Variants in TRAPPC3L observed in about 807,000 individuals in gnomAD.
TRAPPC3L encodes the protein trafficking protein particle complex subunit 3-like protein.
TRAPPC3L carries 23 observed loss-of-function variants against 23.7 expected under a neutral mutation model. The observed-to-expected ratio is 0.97, with a 90% CI of 0.70 to 1.37. The LOEUF (loss-of-function observed/expected upper bound fraction) is 1.37, where lower values mean the gene tolerates loss of function less well. Ranked by LOEUF, TRAPPC3L falls within the 40% of genes most tolerant of loss-of-function variation. TRAPPC3L has a pLI of 0.00. For synonymous variants in TRAPPC3L, 81 were observed against 77.9 expected (o/e 1.04, Z -0.21); for missense variants, 212 against 216.8 (o/e 0.98, Z 0.14).
At chr6:116,515,917 C>T (rs1772215621) in intron 3 of TRAPPC3L, 5 of 1,613,590 alleles carry the variant, frequency 3.1e-6, no homozygotes, top group Non-Finnish European at 4.2e-6. Context: ...GAGTGGTGGA[C>T]AATGGTCTGC....
intron 2 of TRAPPC3L, among the ~76,000 whole-genome samples, chr6:116,541,905 A>G (rs913198224): frequency 6.6e-6 from 1 of 152,206 alleles, no homozygotes; most frequent in African/African-American, 2.4e-5. Flanking sequence ...TCTCAGCAGA[A>G]GCTATTAAGG....
At position 116,495,737 on chromosome 6, in the gene TRAPPC3L, A is replaced by G. The variant is rs1360709157; in HGVS notation, c.*1217T>C. On this transcript the variant is annotated 3_prime_UTR_variant, in exon 5 of 5. Transcript: ENST00000368602. ...CTAGGGTGAGATAATATCTCATTAT[A>G]GTTTTGATTTGCATTTCTCTGATGA... is the stretch of plus-strand genomic sequence containing the variant. The G allele has an allele frequency of 1.3e-5, 2 of 152,080 alleles. No homozygotes were observed. The highest frequency in any genetic ancestry group is 1.3e-4 in the Admixed American group (2 of 15,266). 9.4% of individuals were successfully genotyped at this position (152,080 alleles called of 1,614,324 possible).
intron 4 of TRAPPC3L, among the ~76,000 whole-genome samples, chr6:116,498,862 G>A (rs1771870810): frequency 6.6e-6 from 1 of 152,070 alleles, no homozygotes; most frequent in African/African-American, 2.4e-5. Context: ...TGTGCCCTCT[G>A]TTTAACCTAC....
At chr6:116,511,826 A>G in intron 3 of TRAPPC3L, 1 of 1,614,078 alleles carries the variant, frequency 6.2e-7, no homozygotes, top group Middle Eastern at 1.6e-4. Context: ...GTGCCCCTGC[A>G]GCACTGAGAA....
At chr6:116,503,154 G>T (rs764220810) in intron 3 of TRAPPC3L, among the ~76,000 whole-genome samples, 1 of 151,954 alleles carries the variant, frequency 6.6e-6, no homozygotes, top group Admixed American at 6.6e-5. Context: ...ACACACAGAG[G>T]CTCAAAATAA....
intron 1 of TRAPPC3L, 131 bp downstream of exon 1, chr6:116,545,342 A>T: frequency 1.9e-5 from 12 of 642,004 alleles, no homozygotes; most frequent in Non-Finnish European, 3.1e-5. Context: ...GTCATTTATG[A>T]TTCACTTCGC....
chr6:116,504,856 T>C (rs1451086403), intron 3 of TRAPPC3L, among the ~76,000 whole-genome samples: 1 of 152,212 alleles, frequency 6.6e-6, no homozygotes, highest in Non-Finnish European at 1.5e-5. Context: ...TAGGTATTGA[T>C]GGAATGTATC....
chr6:116,504,903 C>T (rs1268481781), intron 3 of TRAPPC3L, among the ~76,000 whole-genome samples: 1 of 152,108 alleles, frequency 6.6e-6, no homozygotes, highest in African/African-American at 2.4e-5. Context: ...AAACCCACAG[C>T]CAATATCATA....
rs2279524 is a variant in TRAPPC3L, at chr6:116,512,483, A to G, written c.241-11817T>C. 194,374 of 458,354 alleles carry G rather than the reference A, an allele frequency of 0.42. 44,324 individuals are homozygous for G. The highest frequency in any genetic ancestry group is 0.54 in the Admixed American group (15,226 of 28,238). The allele number at this position is 458,354 out of a possible 1,614,324, so 28.4% of individuals were successfully genotyped here. A position where few individuals can be genotyped will look rare whatever the true frequency, so the allele number is the denominator to read the frequency against. ...AAAATATCCACTGGATTGTCCACAT[A>G]TAAATACTTAAGTACTTTAAAACAG... On this transcript the variant is annotated intron_variant, in intron 3 of 4. Coordinates refer to ENST00000368602, the MANE Select transcript of TRAPPC3L (RefSeq NM_001139444.3).
chr6:116,543,934 C>T lies in TRAPPC3L; in HGVS notation c.43-534G>A, dbSNP rs141954928. On this transcript the variant is annotated intron_variant, in intron 1 of 4. Coordinates refer to ENST00000368602, the MANE Select transcript of TRAPPC3L (RefSeq NM_001139444.3). ...GAATGTGATATTTCCTTATAGTTCT[C>T]CAAAATATGTCCCATTTTTAGAGTA... The T allele has an allele frequency of 6.4e-6, 8 of 1,247,704 alleles. No individual in the cohort carries two copies. The East Asian group carries it at 1.3e-4, about 20-fold the overall frequency. 77.3% of individuals were successfully genotyped at this position (1,247,704 alleles called of 1,614,324 possible).
intron 3 of TRAPPC3L, among the ~76,000 whole-genome samples, chr6:116,513,002 C>T (rs947025924): frequency 6.6e-6 from 1 of 152,166 alleles, no homozygotes; most frequent in Middle Eastern, 3.2e-3. Flanking sequence ...GTCATTCCTC[C>T]AGGCACATGA....
chr6:116,543,601 G>A (rs894570448), intron 1 of TRAPPC3L, among the ~76,000 whole-genome samples: 1 of 152,096 alleles, frequency 6.6e-6, no homozygotes, highest in Non-Finnish European at 1.5e-5. Flanking sequence ...GTGGGGGAGA[G>A]AGAGCTGTTA....
At chr6:116,527,380 G>C (rs1772465616) in intron 3 of TRAPPC3L, among the ~76,000 whole-genome samples, 1 of 152,104 alleles carries the variant, frequency 6.6e-6, no homozygotes, top group Non-Finnish European at 1.5e-5. Flanking sequence ...AGCCAGGCTT[G>C]GTGGCGGGCG....
intron 3 of TRAPPC3L, chr6:116,511,647 T>C: frequency 6.4e-7 from 1 of 1,560,436 alleles, no homozygotes; most frequent in South Asian, 1.2e-5. Flanking sequence ...CTGCCACAGC[T>C]GCTCTGCCAA....
intron 3 of TRAPPC3L, among the ~76,000 whole-genome samples, chr6:116,505,760 A>C (rs536386392): frequency 2.0e-5 from 3 of 152,282 alleles, no homozygotes; most frequent in East Asian, 3.9e-4. Context: ...CAAAAACAAG[A>C]AATAGGGAAA....
Position 116,511,843 on chromosome 6 carries a change from C to T in TRAPPC3L, c.241-11177G>A, listed in dbSNP as rs199958304. 12 of 1,614,080 alleles carry T rather than the reference C, an allele frequency of 7.4e-6. No individual in the cohort carries two copies. In the East Asian group the frequency reaches 1.8e-4, roughly 24 times the overall value. On this transcript the variant is annotated intron_variant, in intron 3 of 4. Transcript: ENST00000368602. ...GCCCCTGCAGCACTGAGAATATGAC[C>T]TATGGGCTGGTTTTCCTCTTTGCTC...
At position 116,496,855 on chromosome 6, in the gene TRAPPC3L, A is replaced by T; in HGVS notation, c.*99T>A. On this transcript the variant is annotated 3_prime_UTR_variant, in exon 5 of 5. Transcript: ENST00000368602. ...TTTCTGGCTGATTTATAAACCTTTC[A>T]AAGCTCATGCTATGAAGCAATTCAA... is the stretch of plus-strand genomic sequence containing the variant. 8 of 1,401,610 alleles carry T rather than the reference A, an allele frequency of 5.7e-6. No homozygotes were observed. Among genetic ancestry groups the T allele is most frequent in the Non-Finnish European group, 7.4e-6 (8 of 1,076,372 alleles). 86.8% of individuals were successfully genotyped at this position (1,401,610 alleles called of 1,614,324 possible). A position where few individuals can be genotyped will look rare whatever the true frequency, so the allele number is the denominator to read the frequency against.
chr6:116,505,586 G>T (rs1771989977), intron 3 of TRAPPC3L, among the ~76,000 whole-genome samples: 1 of 152,144 alleles, frequency 6.6e-6, no homozygotes, highest in African/African-American at 2.4e-5. Context: ...AAAGAACAAA[G>T]CTGGAGGCAT....
At chr6:116,500,737 C>A in intron 3 of TRAPPC3L, 71 bp from the exon 4 acceptor site, 1 of 1,363,406 alleles carries the variant, frequency 7.3e-7, no homozygotes, top group Non-Finnish European at 1.0e-6. Flanking sequence ...TAAACAAATA[C>A]CCAGTTCTAG....
Sources: allele counts gnomAD v4.1 joint callset (sites outside exome capture counted in the v4.1 genomes callset), GRCh38; gene constraint gnomAD v4.1.1; transcripts MANE v1.5; gene names NCBI Gene and HGNC (gene_info 2026-07-23, HGNC 2026-07-21).